ACBD6: variants seen among roughly 807,000 people sequenced by gnomAD.
ACBD6 encodes the protein acyl-CoA-binding domain-containing protein 6.
ACBD6 carries 28 observed loss-of-function variants against 37.2 expected under a neutral mutation model. That is an observed-to-expected ratio of 0.75 (90% CI 0.56 to 1.03). ACBD6 has a LOEUF of 1.03. Ranked by LOEUF, ACBD6 falls within the 50% of genes least tolerant of loss-of-function variation. The pLI is 0.00. For missense variants in ACBD6, 340 were observed against 337.4 expected (o/e 1.01, Z -0.06); for synonymous variants, 113 against 126.8 (o/e 0.89, Z 0.73).
In ACBD6 at chr1:180,492,427, T is replaced by G. The variant is rs144611184; in HGVS notation, c.288-62A>C. 1,657 of 1,313,164 alleles carry G rather than the reference T, an allele frequency of 1.3e-3. 16 individuals carry two copies. The African/African-American group carries it at 0.021, about 17-fold the overall frequency. The allele number at this position is 1,313,164 out of a possible 1,614,324, so 81.3% of individuals were successfully genotyped here. A position where few individuals can be genotyped will look rare whatever the true frequency, so the allele number is the denominator to read the frequency against. ...GCAAATAACACAAACAGCATTTTTC[T>G]TATTATTAAAAAAACTGTATGCACA... On this transcript the variant is annotated intron_variant, in intron 2 of 7. Coordinates refer to ENST00000367595, the MANE Select transcript of ACBD6 (RefSeq NM_032360.4).
chr1:180,295,789 A>G (rs1437983983), intron 7 of ACBD6, among the ~76,000 whole-genome samples: 2 of 152,112 alleles, frequency 1.3e-5, no homozygotes, highest in Non-Finnish European at 2.9e-5. Context: ...TGACTGTACC[A>G]TGGAACAGCC....
intron 5 of ACBD6, among the ~76,000 whole-genome samples, chr1:180,404,179 G>A (rs1439280035): frequency 6.6e-6 from 1 of 152,114 alleles, no homozygotes; most frequent in East Asian, 1.9e-4. Flanking sequence ...TCAAACTCCT[G>A]ACCTCAGGTG....
At chr1:180,468,463 T>C (rs1254098986) in intron 3 of ACBD6, among the ~76,000 whole-genome samples, 1 of 152,208 alleles carries the variant, frequency 6.6e-6, no homozygotes, top group African/African-American at 2.4e-5. Flanking sequence ...TACACTCCAC[T>C]AAAGATGCGT....
intron 3 of ACBD6, among the ~76,000 whole-genome samples, chr1:180,474,959 A>G (rs1650723617): frequency 6.6e-6 from 1 of 152,238 alleles, no homozygotes; most frequent in Admixed American, 6.5e-5. Flanking sequence ...TGGAGAGGAA[A>G]GGAGTTGAAG....
intron 6 of ACBD6, among the ~76,000 whole-genome samples, chr1:180,316,909 A>G (rs1650835628): frequency 6.6e-6 from 1 of 152,192 alleles, no homozygotes; most frequent in Admixed American, 6.5e-5. Flanking sequence ...AAACAGAGTG[A>G]GAGACGAGAC....
chr1:180,463,751 C>A (rs1650239570), intron 3 of ACBD6, among the ~76,000 whole-genome samples: 1 of 152,016 alleles, frequency 6.6e-6, no homozygotes, highest in Non-Finnish European at 1.5e-5. Flanking sequence ...AGAGACACAA[C>A]AAAAAAAGAA....
intron 6 of ACBD6, among the ~76,000 whole-genome samples, chr1:180,382,578 GAA>G (rs1203418419): frequency 6.6e-6 from 1 of 152,038 alleles, no homozygotes; most frequent in Non-Finnish European, 1.5e-5. Context: ...TCTCAACAAA[GAA>G]AAGTCCAGGA....
intron 4 of ACBD6, among the ~76,000 whole-genome samples, chr1:180,415,967 T>C (rs934832889): frequency 6.6e-6 from 1 of 152,198 alleles, no homozygotes; most frequent in Non-Finnish European, 1.5e-5. Flanking sequence ...CATCACCAAA[T>C]ATGCTAGGCA....
intron 3 of ACBD6, among the ~76,000 whole-genome samples, chr1:180,462,243 A>G (rs1468893444): frequency 1.3e-5 from 2 of 149,086 alleles, no homozygotes; most frequent in Non-Finnish European, 3.0e-5. Flanking sequence ...TCTCAAAAAT[A>G]AAAAAAAAAG....
intron 3 of ACBD6, among the ~76,000 whole-genome samples, chr1:180,447,811 AAAAT>A (rs1381469101): frequency 6.6e-6 from 1 of 152,164 alleles, no homozygotes; most frequent in Non-Finnish European, 1.5e-5. Context: ...TAACGTCTCA[AAAAT>A]AAACAGGAAA....
chr1:180,365,524 C>T (rs755053989), intron 6 of ACBD6, among the ~76,000 whole-genome samples: 16 of 152,060 alleles, frequency 1.1e-4, no homozygotes, highest in Non-Finnish European at 1.8e-4. Flanking sequence ...TATCAACATC[C>T]TTTTTGAAAT....
chr1:180,458,567 C>T (rs1169524888), intron 3 of ACBD6, among the ~76,000 whole-genome samples: 1 of 152,130 alleles, frequency 6.6e-6, no homozygotes, highest in South Asian at 2.1e-4. Context: ...GGACTGAAGG[C>T]TTCACGGAAT....
intron 3 of ACBD6, among the ~76,000 whole-genome samples, chr1:180,468,369 G>A (rs1007314320): frequency 1.3e-5 from 2 of 152,154 alleles, no homozygotes; most frequent in African/African-American, 2.4e-5. Context: ...TCCTGCTGAC[G>A]CGGGTCCTCA....
intron 3 of ACBD6, among the ~76,000 whole-genome samples, chr1:180,484,557 G>C (rs1651182767): frequency 6.6e-6 from 1 of 152,058 alleles, no homozygotes; most frequent in Non-Finnish European, 1.5e-5. Flanking sequence ...CTGTAGTGTT[G>C]GGTTGGAATT....
intron 6 of ACBD6, among the ~76,000 whole-genome samples, chr1:180,362,313 T>A (rs555519572): frequency 1.3e-5 from 2 of 152,216 alleles, no homozygotes; most frequent in Non-Finnish European, 2.9e-5. Context: ...AACAATGACA[T>A]AGTTCTACAG....
At chr1:180,270,083 C>T (rs2149265221) in exon 14 of ACBD6, 1 of 152,404 alleles carries the variant, frequency 6.6e-6, no homozygotes. Flanking sequence ...GGCCGTGTTG[C>T]CCTCTGGACT....
intron 3 of ACBD6, among the ~76,000 whole-genome samples, chr1:180,490,163 T>G (rs1036455995): frequency 6.6e-6 from 1 of 152,210 alleles, no homozygotes; most frequent in Middle Eastern, 3.2e-3. Flanking sequence ...GCACTCACAT[T>G]CAAGTTTTGT....
At chr1:180,293,241 G>A (rs1423929009) in intron 7 of ACBD6, among the ~76,000 whole-genome samples, 1 of 151,618 alleles carries the variant, frequency 6.6e-6, no homozygotes, top group East Asian at 1.9e-4. Context: ...TTCACAGAAT[G>A]AGCTGGGCAG....
chr1:180,297,901 C>T (rs1333701118), intron 7 of ACBD6, among the ~76,000 whole-genome samples: 1 of 152,136 alleles, frequency 6.6e-6, no homozygotes, highest in African/African-American at 2.4e-5. Flanking sequence ...CCACCAAGCA[C>T]AGCTAATTGT....
Sources: allele counts gnomAD v4.1 joint callset (sites outside exome capture counted in the v4.1 genomes callset), GRCh38; gene constraint gnomAD v4.1.1; transcripts MANE v1.5; gene names NCBI Gene and HGNC (gene_info 2026-07-23, HGNC 2026-07-21).